The following MTHFD2L variants were observed in gnomAD, a reference collection of about 807,000 sequenced individuals.
MTHFD2L encodes the protein methylenetetrahydrofolate dehydrogenase (NADP+ dependent) 2 like, also known as bifunctional methylenetetrahydrofolate dehydrogenase/cyclohydrolase 2, mitochondrial.
Under a neutral mutation model 34.9 loss-of-function variants are expected in MTHFD2L, and 29 were observed. That is an observed-to-expected ratio of 0.83 (90% CI 0.62 to 1.13). The LOEUF is 1.13. Ranked by LOEUF, MTHFD2L falls within the 50% of genes most tolerant of loss-of-function variation. MTHFD2L has a pLI of 0.00. For missense variants in MTHFD2L, 481 were observed against 446.5 expected (o/e 1.08, Z -0.70); for synonymous variants, 167 against 155.7 (o/e 1.07, Z -0.54).
In MTHFD2L at chr4:74,301,679, G is replaced by T. The variant is rs1560573855; in HGVS notation, c.932-18G>T. 2 of 1,447,500 alleles carry T rather than the reference G, an allele frequency of 1.4e-6. No homozygotes were observed. The highest frequency in any genetic ancestry group is 2.1e-5 in the Admixed American group (1 of 47,132). The allele number at this position is 1,447,500 out of a possible 1,614,324, so 89.7% of individuals were successfully genotyped here. ...ATTTTAAAATAAAGAATATCTGTTT[G>T]TTTTTTTTCCTCATCAGCTGTTAAA... On this transcript the variant is annotated intron_variant, in intron 7 of 7. Transcript: ENST00000325278.
intron 6 of MTHFD2L, chr4:74,241,765 T>A (rs1164114105): frequency 5.2e-6 from 1 of 190,514 alleles, no homozygotes; most frequent in East Asian, 1.5e-4. Flanking sequence ...AAAAGAAGCA[T>A]GTATATCCAT....
chr4:74,189,504 T>TTTTTTTTTTTTTTTTTC (rs1560466924), intron 3 of MTHFD2L, among the ~76,000 whole-genome samples: 1 of 149,194 alleles, frequency 6.7e-6, no homozygotes, highest in African/African-American at 2.5e-5. Flanking sequence ...TTTTTTTTTT[T>TTTTTTTTTTTTTTTTTC]TTTTTTAAAG....
intron 6 of MTHFD2L, among the ~76,000 whole-genome samples, chr4:74,258,466 C>T (rs965345873): frequency 6.6e-6 from 1 of 151,998 alleles, no homozygotes; most frequent in Non-Finnish European, 1.5e-5. Context: ...TCCATTTATA[C>T]ACAGATTTTT....
At chr4:74,194,581 G>C (rs982916376) in intron 3 of MTHFD2L, 1 of 152,222 alleles carries the variant, frequency 6.6e-6, no homozygotes, top group African/African-American at 2.4e-5. Context: ...TAAATAGTGT[G>C]GTCAGAATTG....
intron 1 of MTHFD2L, among the ~76,000 whole-genome samples, chr4:74,129,232 G>A (rs1388723564): frequency 6.6e-6 from 1 of 151,894 alleles, no homozygotes; most frequent in African/African-American, 2.4e-5. Context: ...CTCAGCTCTG[G>A]CTCAAGCAGA....
intron 1 of MTHFD2L, among the ~76,000 whole-genome samples, chr4:74,141,723 T>A (rs1723283674): frequency 6.6e-6 from 1 of 152,176 alleles, no homozygotes; most frequent in African/African-American, 2.4e-5. Context: ...TGAAATAATA[T>A]TATTCTTGTA....
intron 1 of MTHFD2L, among the ~76,000 whole-genome samples, chr4:74,163,322 A>G (rs1421268548): frequency 1.3e-5 from 2 of 152,178 alleles, no homozygotes; most frequent in Non-Finnish European, 2.9e-5. Context: ...TCTGTATTTT[A>G]TATTGAATGT....
intron 5 of MTHFD2L, among the ~76,000 whole-genome samples, chr4:74,206,824 A>G (rs907909414): frequency 6.6e-6 from 1 of 152,178 alleles, no homozygotes; most frequent in Non-Finnish European, 1.5e-5. Flanking sequence ...AATTGTCATA[A>G]TGACTAAGGC....
chr4:74,239,885 C>T (rs77926477), intron 6 of MTHFD2L, among the ~76,000 whole-genome samples: 1,951 of 152,188 alleles, frequency 0.013, 48 homozygotes, highest in African/African-American at 0.045. Context: ...AGAAAGATTC[C>T]TTGTCTCTGT....
chr4:74,224,093 C>T (rs1738713318), intron 5 of MTHFD2L: 1 of 152,116 alleles, frequency 6.6e-6, no homozygotes, highest in Non-Finnish European at 1.5e-5. Context: ...AGCCTTCTGA[C>T]TCCTTTATTA....
intron 3 of MTHFD2L, among the ~76,000 whole-genome samples, chr4:74,175,767 G>A (rs1251197451): frequency 2.0e-5 from 3 of 151,998 alleles, no homozygotes; most frequent in African/African-American, 7.2e-5. Flanking sequence ...CTCTCCTACT[G>A]TGGTTCATAA....
chr4:74,145,790 A>G (rs144552062), intron 1 of MTHFD2L, among the ~76,000 whole-genome samples: 20 of 152,276 alleles, frequency 1.3e-4, no homozygotes, highest in African/African-American at 4.6e-4. Context: ...CAGTATAGTG[A>G]GTTCTCACAA....
chr4:74,243,661 G>T (rs1742017127), intron 6 of MTHFD2L, among the ~76,000 whole-genome samples: 1 of 151,898 alleles, frequency 6.6e-6, no homozygotes, highest in Non-Finnish European at 1.5e-5. Flanking sequence ...GTTGCTAAAT[G>T]AATATGAATA....
At chr4:74,134,790 A>G (rs1296210387) in intron 1 of MTHFD2L, among the ~76,000 whole-genome samples, 1 of 152,086 alleles carries the variant, frequency 6.6e-6, no homozygotes, top group East Asian at 1.9e-4. Context: ...GATAAGCAGA[A>G]ATCTTGTAAC....
At chr4:74,227,359 G>C (rs1739324821) in intron 6 of MTHFD2L, among the ~76,000 whole-genome samples, 1 of 151,870 alleles carries the variant, frequency 6.6e-6, no homozygotes. Context: ...AGCTGCAACA[G>C]CTTTTGTTTT....
intron 1 of MTHFD2L, among the ~76,000 whole-genome samples, chr4:74,129,414 A>C (rs1297617623): frequency 6.6e-6 from 1 of 152,200 alleles, no homozygotes; most frequent in Non-Finnish European, 1.5e-5. Context: ...CAGTGCAATC[A>C]AATTAGAACT....
At chr4:74,175,502 C>A in intron 3 of MTHFD2L, 99 bp downstream of exon 3, 1 of 1,267,808 alleles carries the variant, frequency 7.9e-7, no homozygotes, top group Non-Finnish European at 1.1e-6. Flanking sequence ...TTATAAAATA[C>A]ATTCAGAAGG....
chr4:74,191,708 G>A (rs1410919057), intron 3 of MTHFD2L, among the ~76,000 whole-genome samples: 1 of 151,934 alleles, frequency 6.6e-6, no homozygotes, highest in African/African-American at 2.4e-5. Flanking sequence ...CTGCCACCAC[G>A]CCCAGGTAAT....
intron 6 of MTHFD2L, chr4:74,242,198 A>G (rs1741822292): frequency 5.2e-5 from 1 of 19,076 alleles, no homozygotes; most frequent in South Asian, 1.4e-3. Context: ...GTAAATAAGT[A>G]AAAAAATAAA....
Sources: allele counts gnomAD v4.1 joint callset (sites outside exome capture counted in the v4.1 genomes callset), GRCh38; gene constraint gnomAD v4.1.1; transcripts MANE v1.5; gene names NCBI Gene and HGNC (gene_info 2026-07-23, HGNC 2026-07-21).